The following MNDA variants were observed in gnomAD, a reference collection of about 807,000 sequenced individuals.
MNDA encodes myeloid cell nuclear differentiation antigen, also known as epididymis secretory sperm binding protein.
MNDA carries 43 observed loss-of-function variants against 37.8 expected under a neutral mutation model. That is an observed-to-expected ratio of 1.14 (90% CI 0.89 to 1.47). The LOEUF is 1.47. Ranked by LOEUF, MNDA falls within the 40% of genes most tolerant of loss-of-function variation. The pLI, the probability that MNDA is intolerant of heterozygous loss-of-function variation, is 0.00. For missense variants in MNDA, 536 were observed against 476.0 expected, an observed-to-expected ratio of 1.13 and a Z score of -1.17; for synonymous variants, 181 against 169.0, an observed-to-expected ratio of 1.07 and a Z score of -0.55.
intron 1 of MNDA, among the ~76,000 whole-genome samples, 200 bp downstream of exon 1, chr1:158,831,757 A>G (rs1461475057): frequency 6.6e-6 from 1 of 152,196 alleles, no homozygotes; most frequent in African/African-American, 2.4e-5. Context: ...AACCAAAAAA[A>G]TGTATTTTGT....
intron 1 of MNDA, among the ~76,000 whole-genome samples, chr1:158,833,200 C>G (rs1332510811): frequency 2.0e-5 from 3 of 152,112 alleles, no homozygotes; most frequent in South Asian, 4.1e-4. Context: ...CCCTTTTGGC[C>G]TCCAACATTT....
At chr1:158,845,146 A>C (rs1430132761) in intron 4 of MNDA, among the ~76,000 whole-genome samples, 1 of 152,126 alleles carries the variant, frequency 6.6e-6, no homozygotes, top group Non-Finnish European at 1.5e-5. Flanking sequence ...ATATCTGTGA[A>C]AGTTGTTGGG....
chr1:158,844,106 A>C lies in MNDA; in HGVS notation c.554A>C (p.Asn185Thr). The stretch of plus-strand genomic sequence containing the variant: ...CAGACCTCATCATCAACTCCATCCA[A>C]CACTTCGTTTACTCCGGTACACTCT... ...LPQTSSSTPS[N>T]TSFTPNQETQ... is the part of the protein sequence containing the mutation. Residue 185 changes from asparagine to threonine, a missense_variant, in exon 4 of 7, where the codon AAC (asparagine) becomes ACC (threonine). Physicochemically the swap from Asn to Thr is moderately conservative, Grantham distance 65 (BLOSUM62 0). Coordinates refer to ENST00000368141, the MANE Select transcript of MNDA (RefSeq NM_002432.3). 1 of 1,583,024 alleles carries C rather than the reference A, an allele frequency of 6.3e-7. No individual in the cohort carries two copies. The highest frequency in any genetic ancestry group is 1.2e-5 in the South Asian group (1 of 86,396).
intron 1 of MNDA, among the ~76,000 whole-genome samples, chr1:158,838,421 A>G (rs1468806628): frequency 6.6e-6 from 1 of 152,090 alleles, no homozygotes; most frequent in Non-Finnish European, 1.5e-5. Context: ...CTTCTGGTCT[A>G]CAAAGTATTT....
At chr1:158,840,299 G>T (rs538358901) in intron 1 of MNDA, among the ~76,000 whole-genome samples, 49 of 152,262 alleles carry the variant, frequency 3.2e-4, no homozygotes, top group African/African-American at 1.1e-3. Flanking sequence ...AAAGAAAAGA[G>T]ATTTGATTTA....
In MNDA at chr1:158,843,292, T is replaced by A; in HGVS notation, c.279T>A (p.Ile93=). The A allele has an allele frequency of 1.2e-6, 2 of 1,609,586 alleles. No individual in the cohort carries two copies. The highest frequency in any genetic ancestry group is 1.7e-6 in the Non-Finnish European group (2 of 1,178,324). Residue 93 remains isoleucine (I), a synonymous_variant, in exon 3 of 7, where the codon ATT becomes ATA. Coordinates refer to ENST00000368141, the MANE Select transcript of MNDA (RefSeq NM_002432.3). Reference sequence around the variant, plus strand: ...TTCTTTTGTCAGTTGCTAAGAAAATTAAAACACAAGAAAAAGCTCCAGTGA... The same window carrying A: ...TTCTTTTGTCAGTTGCTAAGAAAATAAAAACACAAGAAAAAGCTCCAGTGA... ...RKEKSKVAKK[I]KTQEKAPVKK...
intron 4 of MNDA, among the ~76,000 whole-genome samples, chr1:158,844,812 C>T (rs1229815345): frequency 6.7e-6 from 1 of 149,468 alleles, no homozygotes; most frequent in African/African-American, 2.4e-5. Flanking sequence ...CATGGTTCTT[C>T]ATTTTTAATG....
chr1:158,833,272 T>C (rs1042914034), intron 1 of MNDA, among the ~76,000 whole-genome samples: 4 of 152,226 alleles, frequency 2.6e-5, no homozygotes, highest in Non-Finnish European at 5.9e-5. Context: ...TATGGATATT[T>C]TCACTGCCAA....
At chr1:158,839,597 G>A (rs1658989611) in intron 1 of MNDA, among the ~76,000 whole-genome samples, 1 of 152,166 alleles carries the variant, frequency 6.6e-6, no homozygotes, top group East Asian at 1.9e-4. Flanking sequence ...CTACAGAGAA[G>A]CTATAATGTT....
At chr1:158,839,874 G>T (rs545875903) in intron 1 of MNDA, among the ~76,000 whole-genome samples, 1 of 152,244 alleles carries the variant, frequency 6.6e-6, no homozygotes, top group Admixed American at 6.5e-5. Flanking sequence ...AGTCTGGAAC[G>T]TCCTTGTCTG....
rs1658802143 is a variant in MNDA, at chr1:158,831,485, C to G, written c.-93C>G. ...TTTAATCTCTCCAAAGCTTTACGGA[C>G]AGTGATTCTGTCCTAAACAAGACAG... On this transcript the variant is annotated 5_prime_UTR_variant, in exon 1 of 7. Transcript: ENST00000368141. 6.6e-6 allele frequency: 1 copy of G among 152,158 alleles called. No homozygotes were observed. Among genetic ancestry groups the G allele is most frequent in the Admixed American group, 6.5e-5 (1 of 15,284 alleles). 9.4% of individuals were successfully genotyped at this position (152,158 alleles called of 1,614,324 possible).
intron 1 of MNDA, among the ~76,000 whole-genome samples, chr1:158,834,134 ATT>A (rs1200487613): frequency 6.7e-6 from 1 of 148,386 alleles, no homozygotes; most frequent in Non-Finnish European, 1.5e-5. Flanking sequence ...TTTGATTTGT[ATT>A]TTTCTAAAGA....
rs116537196 is a variant in MNDA at position 158,844,432 on chromosome 1, C to A, written c.570+310C>A. 7.6e-3 allele frequency among the ~76,000 whole-genome samples: 1,142 copies of A among 151,238 alleles called. 16 individuals are homozygous for A. The highest frequency in any genetic ancestry group is 0.026 in the African/African-American group (1,075 of 41,082). On this transcript the variant is annotated intron_variant, in intron 4 of 6. Transcript: ENST00000368141. ...CCATGGCTCATCTTTGCTCCCCACACTTCCTATTACAGATCTGCCAACGTT... is the reference window on the plus strand; with the variant it reads ...CCATGGCTCATCTTTGCTCCCCACAATTCCTATTACAGATCTGCCAACGTT...
chr1:158,841,035 T>G (rs1385433536), intron 1 of MNDA, among the ~76,000 whole-genome samples: 2 of 151,994 alleles, frequency 1.3e-5, no homozygotes, highest in Non-Finnish European at 2.9e-5. Flanking sequence ...ACACAAGGGG[T>G]TAAAGAGGCA....
rs146513719 is a variant in MNDA at position 158,844,076 on chromosome 1, T to G, written c.524T>G (p.Leu175Arg). Reference sequence around the variant, plus strand: ...TCTGCAGCTGTGGATCATCCCCCACTACCCCAGACCTCATCATCAACTCCA... The same window carrying G: ...TCTGCAGCTGTGGATCATCCCCCACGACCCCAGACCTCATCATCAACTCCA... ...STSAAVDHPP[L>R]PQTSSSTPSN... Residue 175 changes from leucine (L) to arginine (R), a missense_variant, in exon 4 of 7, where the codon CTA becomes CGA. Physicochemically the swap from Leu to Arg is moderately radical, Grantham distance 102 (BLOSUM62 -2). Transcript: ENST00000368141. The G allele has an allele frequency of 6.3e-5, 101 of 1,612,648 alleles. No individual in the cohort carries two copies. The highest frequency in any genetic ancestry group is 8.0e-5 in the Non-Finnish European group (94 of 1,179,502).
chr1:158,844,080 C>T lies in MNDA; in HGVS notation c.528C>T (p.Pro176=), dbSNP rs1659086551. The change falls in exon 4 of 7, where the codon CCC becomes CCT. Residue 176 remains proline, a synonymous_variant. Transcript: ENST00000368141. ...CAGCTGTGGATCATCCCCCACTACC[C>T]CAGACCTCATCATCAACTCCATCCA... ...TSAAVDHPPL[P]QTSSSTPSNT... 2 of 1,607,992 alleles carry T rather than the reference C, an allele frequency of 1.2e-6. No homozygotes were observed. The highest frequency in any genetic ancestry group is 1.1e-5 in the South Asian group (1 of 90,134).
Position 158,845,958 on chromosome 1 carries a change from G to A in MNDA, c.942G>A (p.Lys314=), listed in dbSNP as rs1324222610. The A allele has an allele frequency of 6.2e-7, 1 of 1,613,928 alleles. No individual in the cohort carries two copies. Among genetic ancestry groups the A allele is most frequent in the African/African-American group, 1.3e-5 (1 of 74,922 alleles). Reference sequence around the variant, plus strand: ...CTCCCAAGATCAGTCAACTTTACAAGCAAGCATCTGGAACAATGGTGTATG... The same window carrying A: ...CTCCCAAGATCAGTCAACTTTACAAACAAGCATCTGGAACAATGGTGTATG... ...NKTPKISQLY[K]QASGTMVYGL... Residue 314 remains lysine, a synonymous_variant, in exon 5 of 7, where the codon AAG becomes AAA. Transcript: ENST00000368141.
rs746839974 is a variant in MNDA at position 158,842,272 on chromosome 1, A to G, written c.119A>G (p.Gln40Arg). Residue 40 changes from glutamine to arginine, a missense_variant, in exon 2 of 7, where the codon CAA becomes CGA. Transcript: ENST00000368141. ...AYDLGLTTKM[Q>R]EEYNRIKITD... ...GATTTAGGACTAACTACAAAAATGC[A>G]AGAGGAATACAACAGAATTAAGATT... 8.1e-6 allele frequency: 13 copies of G among 1,614,188 alleles called. No homozygotes were observed. The highest frequency in any genetic ancestry group is 1.3e-5 in the African/African-American group (1 of 75,058).
intron 2 of MNDA, 89 bp downstream of exon 2, chr1:158,842,507 C>A (rs1659049490): frequency 1.4e-6 from 2 of 1,394,708 alleles, no homozygotes; most frequent in Admixed American, 4.5e-5. Flanking sequence ...CTGGTACATC[C>A]CTTTTCCAAT....
Sources: allele counts gnomAD v4.1 joint callset (sites outside exome capture counted in the v4.1 genomes callset), GRCh38; gene constraint gnomAD v4.1.1; transcripts MANE v1.5; gene names NCBI Gene and HGNC (gene_info 2026-07-23, HGNC 2026-07-21).